Variants in COL23A1 observed in about 807,000 individuals in gnomAD.
COL23A1 encodes the protein collagen alpha-1(XXIII) chain.
Under a neutral mutation model 99.3 loss-of-function variants are expected in COL23A1, and 97 were observed. The observed-to-expected ratio is 0.98, with a 90% confidence interval of 0.83 to 1.16. The LOEUF is 1.16. Among genes scored for constraint, COL23A1 ranks in the 50% most tolerant of loss-of-function variants. The probability of loss-of-function intolerance (pLI) is 0.00; values close to 1 mark genes in which losing one functional copy is unlikely to be tolerated. For synonymous variants in COL23A1, 320 were observed against 308.2 expected (o/e 1.04, Z -0.40); for missense variants, 762 against 757.4 (o/e 1.01, Z -0.07).
At chr5:178,360,477 G>A (rs1032098928) in intron 2 of COL23A1, among the ~76,000 whole-genome samples, 4 of 152,210 alleles carry the variant, frequency 2.6e-5, no homozygotes, top group Non-Finnish European at 4.4e-5. Context: ...TCATGTGGGG[G>A]GGGATGGAGG....
Position 178,590,321 on chromosome 5 carries a change from G to A in COL23A1, c.-124C>T. ...CGCCGGGCGCGGGGGTTAGCCTCCG[G>A]GTAGCAGCGGATCGCCGCGCACGCC... On this transcript the variant is annotated 5_prime_UTR_variant, in exon 1 of 29. Coordinates refer to ENST00000390654, the MANE Select transcript of COL23A1 (RefSeq NM_173465.4). The surrounding 1 kb of genome is among the most constrained non-coding windows in gnomAD (Gnocchi z 5.7). 3 of 884,256 alleles carry A rather than the reference G, an allele frequency of 3.4e-6. No homozygotes were observed. Among genetic ancestry groups the A allele is most frequent in the East Asian group, 4.5e-5 (1 of 22,260 alleles). 54.8% of individuals were successfully genotyped at this position (884,256 alleles called of 1,614,324 possible).
At chr5:178,481,146 A>AG (rs1562009913) in intron 2 of COL23A1, among the ~76,000 whole-genome samples, 1 of 151,044 alleles carries the variant, frequency 6.6e-6, no homozygotes, top group Admixed American at 6.6e-5. Context: ...AAAAAAAAAA[A>AG]AAAAGAAAGA....
intron 2 of COL23A1, among the ~76,000 whole-genome samples, chr5:178,347,382 G>A (rs1346956783): frequency 6.6e-6 from 1 of 151,738 alleles, no homozygotes; most frequent in African/African-American, 2.4e-5. Flanking sequence ...CAGAGAGACT[G>A]AAAGAAGTAG....
At chr5:178,243,304 A>G (rs184897871) in intron 25 of COL23A1, among the ~76,000 whole-genome samples, 3 of 152,086 alleles carry the variant, frequency 2.0e-5, no homozygotes, top group Admixed American at 1.3e-4. Flanking sequence ...CCTGGGCAAC[A>G]CAGTGAAACC....
intron 5 of COL23A1, among the ~76,000 whole-genome samples, chr5:178,277,263 GGC>G (rs1174764824): frequency 6.6e-6 from 1 of 151,928 alleles, no homozygotes; most frequent in Non-Finnish European, 1.5e-5. Flanking sequence ...CTACTCAGGA[GGC>G]TGAGGCAGGA....
intron 2 of COL23A1, among the ~76,000 whole-genome samples, chr5:178,333,890 C>G (rs923294035): frequency 1.9e-4 from 29 of 152,310 alleles, no homozygotes; most frequent in African/African-American, 7.0e-4. Context: ...GTCCCCAGAC[C>G]TGGACAGGGC....
chr5:178,348,895 G>A (rs141930116), intron 2 of COL23A1, among the ~76,000 whole-genome samples: 15 of 152,208 alleles, frequency 9.9e-5, no homozygotes, highest in East Asian at 3.9e-4. Flanking sequence ...GCTGCAGCTC[G>A]TCCCACTGCA....
chr5:178,374,891 T>G (rs1762989326), intron 2 of COL23A1, among the ~76,000 whole-genome samples: 1 of 152,056 alleles, frequency 6.6e-6, no homozygotes, highest in African/African-American at 2.4e-5. Flanking sequence ...GTCAAATTAT[T>G]GAATAACCCC....
chr5:178,374,161 G>C (rs1214496242), intron 2 of COL23A1, among the ~76,000 whole-genome samples: 1 of 152,180 alleles, frequency 6.6e-6, no homozygotes, highest in East Asian at 1.9e-4. Context: ...ATAGATCACA[G>C]AGTAATGAGT....
chr5:178,469,808 A>G (rs2127928540), intron 2 of COL23A1, among the ~76,000 whole-genome samples: 1 of 152,218 alleles, frequency 6.6e-6, no homozygotes, highest in East Asian at 1.9e-4. Flanking sequence ...TCCCCCTGAA[A>G]GTCCTAATGG....
intron 7 of COL23A1, 78 bp downstream of exon 7, chr5:178,268,652 T>C (rs1756044275): frequency 1.3e-6 from 2 of 1,507,036 alleles, no homozygotes; most frequent in Non-Finnish European, 1.8e-6. Context: ...AAGGGCACAC[T>C]GGAACTGGCG....
intron 19 of COL23A1, among the ~76,000 whole-genome samples, chr5:178,248,642 G>A (rs1561787515): frequency 6.6e-6 from 1 of 152,128 alleles, no homozygotes; most frequent in East Asian, 1.9e-4. Context: ...AAAATCATGA[G>A]GACAACAGTG....
intron 2 of COL23A1, among the ~76,000 whole-genome samples, chr5:178,509,756 C>T (rs866196466): frequency 2.0e-5 from 3 of 152,224 alleles, no homozygotes; most frequent in Admixed American, 6.5e-5. Flanking sequence ...AAGCTTCCTC[C>T]GACCACCCAA....
intron 2 of COL23A1, among the ~76,000 whole-genome samples, chr5:178,432,871 T>C (rs1766340171): frequency 6.6e-6 from 1 of 152,048 alleles, no homozygotes; most frequent in South Asian, 2.1e-4. Flanking sequence ...GTTTGGTCCT[T>C]ACCCCCCTTG....
chr5:178,273,437 T>A (rs551973271), intron 5 of COL23A1, among the ~76,000 whole-genome samples: 1 of 152,286 alleles, frequency 6.6e-6, no homozygotes, highest in Admixed American at 6.5e-5. Flanking sequence ...AGAAAACCAA[T>A]TTTTACACCA....
At chr5:178,509,359 T>G (rs1462015654) in intron 2 of COL23A1, among the ~76,000 whole-genome samples, 1 of 152,120 alleles carries the variant, frequency 6.6e-6, no homozygotes, top group East Asian at 1.9e-4. Flanking sequence ...TAGCTGGGAC[T>G]ACAAGCGCCC....
chr5:178,314,868 T>C (rs2913778), intron 2 of COL23A1, among the ~76,000 whole-genome samples: 137,510 of 152,162 alleles, frequency 0.9, 62,171 homozygotes, highest in Admixed American at 0.93. Flanking sequence ...TGATTGAGAG[T>C]CATGTCCTTA....
intron 2 of COL23A1, among the ~76,000 whole-genome samples, chr5:178,426,425 T>G (rs1765938695): frequency 6.6e-6 from 1 of 152,232 alleles, no homozygotes; most frequent in South Asian, 2.1e-4. Context: ...GCTGCCCCAT[T>G]GGGAATGCCT....
At chr5:178,448,697 T>C (rs1426251361) in intron 2 of COL23A1, among the ~76,000 whole-genome samples, 1 of 152,168 alleles carries the variant, frequency 6.6e-6, no homozygotes, top group African/African-American at 2.4e-5. Context: ...ATGAGGGCAG[T>C]GCCCCCAAGA....
Sources: allele counts gnomAD v4.1 joint callset (sites outside exome capture counted in the v4.1 genomes callset), GRCh38; gene constraint gnomAD v4.1.1; non-coding constraint Gnocchi (gnomAD v3.1); transcripts MANE v1.5; gene names NCBI Gene and HGNC (gene_info 2026-07-23, HGNC 2026-07-21).